UBE3C: variants seen among roughly 807,000 people sequenced by gnomAD.
UBE3C encodes the protein ubiquitin protein ligase E3C.
UBE3C carries 42 observed loss-of-function variants against 129.4 expected under a neutral mutation model. The ratio of observed to expected loss-of-function variants is 0.32; its 90% CI spans 0.25 to 0.42. UBE3C has a LOEUF of 0.42. Ranked by LOEUF, UBE3C falls within the 10% of genes least tolerant of loss-of-function variation. UBE3C has a pLI of 1.00. For synonymous variants in UBE3C, 510 were observed against 492.4 expected, an observed-to-expected ratio of 1.04 and a Z score of -0.47; for missense variants, 1,049 against 1,319.1, an observed-to-expected ratio of 0.80 and a Z score of 3.17.
intron 10 of UBE3C, 74 bp downstream of exon 10, chr7:157,187,095 C>T: frequency 6.8e-7 from 1 of 1,471,330 alleles, no homozygotes. Context: ...AATTGCTCTC[C>T]TCTTAAGTTT....
intron 13 of UBE3C, among the ~76,000 whole-genome samples, chr7:157,210,282 G>T (rs1457152192): frequency 1.3e-5 from 2 of 151,306 alleles, no homozygotes; most frequent in Admixed American, 1.3e-4. Flanking sequence ...ATTGTTTAAA[G>T]ACCTTTTTTT....
At chr7:157,260,038 A>T (rs1049242232) in intron 22 of UBE3C, among the ~76,000 whole-genome samples, 1 of 152,176 alleles carries the variant, frequency 6.6e-6, no homozygotes. Flanking sequence ...AATAATAAAG[A>T]CGTATAAACT....
intron 14 of UBE3C, among the ~76,000 whole-genome samples, chr7:157,217,930 T>C (rs1359780155): frequency 6.6e-6 from 1 of 151,676 alleles, no homozygotes; most frequent in African/African-American, 2.4e-5. Context: ...GGCTAAGGTA[T>C]GAGAATCCCT....
chr7:157,198,289 T>A, intron 10 of UBE3C: 2 of 916,036 alleles, frequency 2.2e-6, no homozygotes, highest in Non-Finnish European at 1.8e-6. Flanking sequence ...TCTTGAAGAC[T>A]GCAGCTTTAG....
chr7:157,157,565 C>T (rs188076895), intron 1 of UBE3C, among the ~76,000 whole-genome samples: 1 of 152,012 alleles, frequency 6.6e-6, no homozygotes, highest in African/African-American at 2.4e-5. Flanking sequence ...ATGCACATAG[C>T]CTTTGACCTA....
chr7:157,178,882 C>A, intron 6 of UBE3C, 35 bp downstream of exon 6: 1 of 1,606,966 alleles, frequency 6.2e-7, no homozygotes, highest in Non-Finnish European at 8.5e-7. Context: ...TGTGGCTCAG[C>A]ATCCTGATGG....
At chr7:157,192,564 C>T in intron 10 of UBE3C, 1 of 765,538 alleles carries the variant, frequency 1.3e-6, no homozygotes, top group Non-Finnish European at 2.4e-6. Flanking sequence ...GGAGCTTACT[C>T]TTCATCTTGT....
At chr7:157,231,374 G>C (rs761266323) in intron 18 of UBE3C, 47 bp downstream of exon 18, 54 of 1,595,188 alleles carry the variant, frequency 3.4e-5, no homozygotes, top group Non-Finnish European at 4.3e-5. Flanking sequence ...AAAAGATGTT[G>C]ACATTTTATG....
At chr7:157,180,786 A>G (rs1459993326) in intron 6 of UBE3C, among the ~76,000 whole-genome samples, 3 of 152,184 alleles carry the variant, frequency 2.0e-5, no homozygotes, top group Non-Finnish European at 4.4e-5. Flanking sequence ...CAGTTTACGT[A>G]TAAGCTGCCT....
chr7:157,226,225 G>A (rs1795874503), intron 17 of UBE3C, among the ~76,000 whole-genome samples: 2 of 152,186 alleles, frequency 1.3e-5, no homozygotes, highest in South Asian at 4.1e-4. Flanking sequence ...ATTAAAATAA[G>A]TGCCATTGCA....
chr7:157,145,862 T>C (rs983118398), intron 1 of UBE3C, among the ~76,000 whole-genome samples: 13 of 152,242 alleles, frequency 8.5e-5, no homozygotes, highest in Non-Finnish European at 1.6e-4. Flanking sequence ...TCCTTTGTTA[T>C]TTACATCTTG....
intron 18 of UBE3C, among the ~76,000 whole-genome samples, chr7:157,234,512 C>T (rs1041261373): frequency 6.6e-5 from 10 of 152,170 alleles, no homozygotes; most frequent in African/African-American, 2.4e-4. Flanking sequence ...GGAGTAGAAC[C>T]GCAGCCTTGT....
At chr7:157,187,415 C>T (rs1240130892) in intron 10 of UBE3C, among the ~76,000 whole-genome samples, 8 of 146,588 alleles carry the variant, frequency 5.5e-5, no homozygotes, top group Admixed American at 4.8e-4. Context: ...CAGACAGCAT[C>T]TCACTCTGTT....
chr7:157,203,866 T>G (rs1203475895), intron 11 of UBE3C, among the ~76,000 whole-genome samples: 1 of 152,202 alleles, frequency 6.6e-6, no homozygotes, highest in African/African-American at 2.4e-5. Context: ...GAAAATATCA[T>G]AAGTTGAAAT....
At chr7:157,178,514 C>T (rs972084779) in intron 5 of UBE3C, among the ~76,000 whole-genome samples, 176 bp from the exon 6 acceptor site, 23 of 152,142 alleles carry the variant, frequency 1.5e-4, no homozygotes, top group African/African-American at 5.5e-4. Context: ...TAAAAACTGT[C>T]TGAATGACTG....
intron 9 of UBE3C, 94 bp from the exon 10 acceptor site, chr7:157,186,740 C>A (rs1808816566): frequency 2.1e-6 from 3 of 1,438,030 alleles, no homozygotes; most frequent in Admixed American, 1.9e-5. Context: ...GCTTTCTTTG[C>A]CCGAAGAAAA....
intron 22 of UBE3C, among the ~76,000 whole-genome samples, chr7:157,266,754 A>G (rs1489909924): frequency 6.6e-6 from 1 of 152,218 alleles, no homozygotes; most frequent in Non-Finnish European, 1.5e-5. Context: ...AAATTTTTAT[A>G]GACAGGGTCT....
At chr7:157,247,866 C>A (rs929502943) in intron 18 of UBE3C, among the ~76,000 whole-genome samples, 1 of 152,148 alleles carries the variant, frequency 6.6e-6, no homozygotes, top group African/African-American at 2.4e-5. Flanking sequence ...GTGCTCAAAT[C>A]CTAATACCCC....
At chr7:157,183,397 T>C (rs531043255) in intron 8 of UBE3C, among the ~76,000 whole-genome samples, 29 of 152,144 alleles carry the variant, frequency 1.9e-4, no homozygotes, top group Non-Finnish European at 4.1e-4. Context: ...AATGGGGAGC[T>C]TCCATGCCTT....
Sources: gnomAD v4.1 joint callset for allele counts (sites outside exome capture counted in the v4.1 genomes callset) on GRCh38, gnomAD v4.1.1 for gene constraint, MANE v1.5 for transcripts, NCBI Gene and HGNC (gene_info 2026-07-23, HGNC 2026-07-21) for gene names.